The following ZBTB4 variants were observed in gnomAD, a reference collection of about 807,000 sequenced individuals.
ZBTB4 encodes the protein zinc finger and BTB domain containing 4, also known as zinc finger and BTB domain-containing protein 4.
In ZBTB4, 14 loss-of-function variants were observed where a neutral mutation model predicts 59.8. That is an observed-to-expected ratio of 0.23 (90% CI 0.15 to 0.37). The LOEUF (loss-of-function observed/expected upper bound fraction) is 0.37. Ranked by LOEUF, ZBTB4 falls within the 10% of genes least tolerant of loss-of-function variation. ZBTB4 has a pLI of 1.00. For missense variants in ZBTB4, 1,198 were observed against 1,380.8 expected (o/e 0.87, Z 2.10); for synonymous variants, 587 against 575.2 (o/e 1.02, Z -0.29).
chr17:7,476,517 C>T (rs897521149), intron 1 of ZBTB4, among the ~76,000 whole-genome samples: 2 of 152,180 alleles, frequency 1.3e-5, no homozygotes, highest in African/African-American at 4.8e-5. Flanking sequence ...ACCCAGTGTG[C>T]TCTCCAGCTT....
At chr17:7,471,560 C>A (rs2070197353) in intron 1 of ZBTB4, among the ~76,000 whole-genome samples, 1 of 152,156 alleles carries the variant, frequency 6.6e-6, no homozygotes, top group African/African-American at 2.4e-5. Flanking sequence ...GGTTATTTGC[C>A]TCTGGTTTTG....
intron 1 of ZBTB4, among the ~76,000 whole-genome samples, chr17:7,474,567 T>C (rs2070243941): frequency 6.6e-6 from 1 of 152,018 alleles, no homozygotes; most frequent in Admixed American, 6.6e-5. Context: ...CTGAAGTCGT[T>C]AGAATAGGGC....
At chr17:7,465,049 G>C (rs1248052604) in intron 3 of ZBTB4, among the ~76,000 whole-genome samples, 1 of 151,084 alleles carries the variant, frequency 6.6e-6, no homozygotes, top group Non-Finnish European at 1.5e-5. Flanking sequence ...CCAGCTACTC[G>C]GGAGGCTGAG....
chr17:7,478,811 C>G (rs1011309468), intron 1 of ZBTB4, among the ~76,000 whole-genome samples: 1 of 152,222 alleles, frequency 6.6e-6, no homozygotes, highest in Non-Finnish European at 1.5e-5. Context: ...TCCTGGCTTT[C>G]TATCTCCATG....
Position 7,466,261 on chromosome 17 carries a change from C to T in ZBTB4, c.541G>A (p.Gly181Arg). 1 of 1,613,202 alleles carries T rather than the reference C, an allele frequency of 6.2e-7. No homozygotes were observed. Among genetic ancestry groups the T allele is most frequent in the Non-Finnish European group, 8.5e-7 (1 of 1,179,528 alleles). The change falls in exon 3 of 4, where the codon GGA (glycine) becomes AGA (arginine). Residue 181 changes from glycine to arginine, a missense_variant. Physicochemically the swap from Gly to Arg is moderately radical, Grantham distance 125 (BLOSUM62 -2). This residue lies in a region of ZBTB4 where 204 missense variants were observed against 205.5 expected (regional missense o/e 0.99). Transcript: ENST00000380599. The surrounding 1 kb of genome is among the most constrained non-coding windows in gnomAD (Gnocchi z 9.1). Reference protein sequence around the residue: ...GISRLQGLGEGGDAWVPPTPA... With the variant: ...GISRLQGLGERGDAWVPPTPA... ...GTAGGAGGTACCCAGGCATCACCTC[C>T]CTCCCCCAGGCCCTGAAGGCGGGAG...
At chr17:7,479,071 A>G (rs1381545533) in intron 1 of ZBTB4, among the ~76,000 whole-genome samples, 1 of 151,708 alleles carries the variant, frequency 6.6e-6, no homozygotes, top group Non-Finnish European at 1.5e-5. Context: ...CCCTCCCAGC[A>G]GCTTGCAGCG....
Position 7,466,068 on chromosome 17 carries a change from T to C in ZBTB4, c.734A>G (p.His245Arg). 1 of 1,606,460 alleles carries C rather than the reference T, an allele frequency of 6.2e-7. No homozygotes were observed. Among genetic ancestry groups the C allele is most frequent in the South Asian group, 1.1e-5 (1 of 90,686 alleles). ...CTCATGGGTCTGCAGCCGTTTGGGA[T>C]GGATGAAGCTTTTTCCACACTGGGG... The part of the protein sequence containing the change: ...PCPQCGKSFI[H>R]PKRLQTHEAQ... Residue 245 changes from histidine to arginine, a missense_variant, in exon 3 of 4, where the codon CAT (histidine) becomes CGT (arginine). Coordinates refer to ENST00000380599, the MANE Select transcript of ZBTB4 (RefSeq NM_001128833.2). This position sits in a 1 kb window ranked among gnomAD's most constrained non-coding sequence, Gnocchi z 9.1.
chr17:7,462,712 G>C lies in ZBTB4; in HGVS notation c.2270C>G (p.Ala757Gly). 1 of 1,604,332 alleles carries C rather than the reference G, an allele frequency of 6.2e-7. No homozygotes were observed. ...AAAGCGGGTGGAGGGCCTCCGTCCG[G>C]CCCGGGAGCTGTGGGAGCCCCCACC... ...AHGGGSHSSRAGRRPSTRFTC... is the reference protein window; with the variant it reads ...AHGGGSHSSRGGRRPSTRFTC... Residue 757 changes from alanine to glycine, a missense_variant, in exon 4 of 4, where the codon GCC (alanine) becomes GGC (glycine). Around this residue, in one of 9 missense-constraint regions of ZBTB4, gnomAD observed 550 missense variants for 541.8 expected, o/e 1.02. Coordinates refer to ENST00000380599, the MANE Select transcript of ZBTB4 (RefSeq NM_001128833.2). This position sits in a 1 kb window ranked among gnomAD's most constrained non-coding sequence, Gnocchi z 7.5.
chr17:7,460,005 TA>T lies in ZBTB4; in HGVS notation c.*1934del, dbSNP rs2069995390. On this transcript the variant is annotated 3_prime_UTR_variant, in exon 4 of 4. Transcript: ENST00000380599. ...CTTGTGGTTCCGCTGTATAGATAGA[TA>T]GATATATAATTTGTGTGTAGATATA... The T allele has an allele frequency of 6.6e-6, 1 of 152,606 alleles. No individual in the cohort carries two copies. Among genetic ancestry groups the T allele is most frequent in the Non-Finnish European group, 1.5e-5 (1 of 68,042 alleles). The allele number at this position is 152,606 out of a possible 1,614,324, so 9.5% of individuals were successfully genotyped here. A position where few individuals can be genotyped will look rare whatever the true frequency, so the allele number is the denominator to read the frequency against.
At chr17:7,478,353 C>A (rs528158805) in intron 1 of ZBTB4, among the ~76,000 whole-genome samples, 2 of 152,272 alleles carry the variant, frequency 1.3e-5, no homozygotes, top group South Asian at 4.1e-4. Flanking sequence ...GAGACATACC[C>A]CGGGGTTCCT....
intron 1 of ZBTB4, among the ~76,000 whole-genome samples, chr17:7,468,244 G>A (rs1003246298): frequency 3.9e-5 from 6 of 152,248 alleles, no homozygotes; most frequent in East Asian, 1.9e-4. Flanking sequence ...GTGGTGGCAC[G>A]TGCCTGTAAT....
Position 7,460,604 on chromosome 17 carries a change from A to T in ZBTB4, c.*1336T>A, listed in dbSNP as rs1399667993. ...GGAAATATTTATCCAATCACAGAGCAGGGAGGCCCAGTTTTCAAAGAGAAT... is the reference window on the plus strand; with the variant it reads ...GGAAATATTTATCCAATCACAGAGCTGGGAGGCCCAGTTTTCAAAGAGAAT... On this transcript the variant is annotated 3_prime_UTR_variant, in exon 4 of 4. Transcript: ENST00000380599. The T allele has an allele frequency of 6.6e-6, 1 of 152,524 alleles. No homozygotes were observed. Among genetic ancestry groups the T allele is most frequent in the Non-Finnish European group, 1.5e-5 (1 of 68,050 alleles). The allele number at this position is 152,524 out of a possible 1,614,324, so 9.4% of individuals were successfully genotyped here. A position where few individuals can be genotyped will look rare whatever the true frequency, so the allele number is the denominator to read the frequency against.
At position 7,466,406 on chromosome 17, in the gene ZBTB4, T is replaced by C; in HGVS notation, c.396A>G (p.Pro132=). Residue 132 remains proline, a synonymous_variant, in exon 3 of 4, where the codon CCA becomes CCG. Coordinates refer to ENST00000380599, the MANE Select transcript of ZBTB4 (RefSeq NM_001128833.2). This position sits in a 1 kb window ranked among gnomAD's most constrained non-coding sequence, Gnocchi z 9.1. The part of the protein sequence containing the change: ...PPRVLELPGV[P]AAAFSDVLNF... Reference sequence around the variant, plus strand: ...TGAGGACATCAGAAAACGCAGCTGCTGGGACTCCTGGCAACTCCAGGACCC... The same window carrying C: ...TGAGGACATCAGAAAACGCAGCTGCCGGGACTCCTGGCAACTCCAGGACCC... 2 of 1,610,958 alleles carry C rather than the reference T, an allele frequency of 1.2e-6. No homozygotes were observed. Among genetic ancestry groups the C allele is most frequent in the South Asian group, 1.1e-5 (1 of 90,948 alleles).
intron 3 of ZBTB4, 87 bp from the exon 4 acceptor site, chr17:7,463,977 A>G: frequency 8.6e-6 from 13 of 1,514,962 alleles, no homozygotes; most frequent in Non-Finnish European, 1.1e-5. Context: ...TACACCCTGC[A>G]CTCAAACCTG....
intron 1 of ZBTB4, among the ~76,000 whole-genome samples, chr17:7,469,605 T>TA (rs35184774): frequency 0.25 from 36,154 of 147,212 alleles, 5,791 homozygotes; most frequent in Non-Finnish European, 0.36. Context: ...AAAATAATAA[T>TA]AAAAAAAAAA....
rs147452733 is a variant in ZBTB4, at chr17:7,465,866, C to T, written c.936G>A (p.Ala312=). The change falls in exon 3 of 4, where the codon GCG becomes GCA. Residue 312 remains alanine, a synonymous_variant. Transcript: ENST00000380599. ...GGGTCACGTAGGAACGCTCGCAGGC[C>T]GCGCACACATACAGCACGTGGCCGC... ...VVGGHVLYVC[A]ACERSYVTLS... 1.7e-4 allele frequency: 274 copies of T among 1,614,184 alleles called. No individual in the cohort carries two copies. Among genetic ancestry groups the T allele is most frequent in the African/African-American group, 5.7e-4 (43 of 75,060 alleles).
chr17:7,481,851 C>A, upstream of ZBTB4: 1 of 1,263,464 alleles, frequency 7.9e-7, no homozygotes, highest in Non-Finnish European at 1.1e-6. Context: ...CCCTTTCTAG[C>A]TCCGAAGAGT....
At chr17:7,473,431 TG>T (rs1254640745) in intron 1 of ZBTB4, among the ~76,000 whole-genome samples, 2 of 152,050 alleles carry the variant, frequency 1.3e-5, no homozygotes, top group Non-Finnish European at 2.9e-5. Context: ...GGATAATTTT[TG>T]TATTTTTAGT....
upstream of ZBTB4, chr17:7,482,717 G>A (rs776070131): frequency 3.1e-6 from 5 of 1,612,042 alleles, no homozygotes; most frequent in Non-Finnish European, 3.4e-6. Flanking sequence ...GCAGCCCCCC[G>A]TGTTGCCCAG....
Sources: gnomAD v4.1 joint callset for allele counts (sites outside exome capture counted in the v4.1 genomes callset) on GRCh38, gnomAD v4.1.1 for gene constraint, gnomAD v4.1.1 regional missense constraint, Gnocchi (gnomAD v3.1) non-coding constraint, MANE v1.5 for transcripts, NCBI Gene and HGNC (gene_info 2026-07-23, HGNC 2026-07-21) for gene names.